The following ADCY3 variants were observed in gnomAD, a reference collection of about 807,000 sequenced individuals.
ADCY3 encodes the protein adenylate cyclase 3.
A neutral mutation model predicts 119.4 loss-of-function variants in ADCY3; 70 were observed. The ratio of observed to expected loss-of-function variants is 0.59; its 90% CI spans 0.48 to 0.72. The LOEUF is 0.72. ADCY3 is among the 30% of genes least tolerant of loss of function. ADCY3 has a pLI of 0.00. For missense variants in ADCY3, 1,238 were observed against 1,541.6 expected, an observed-to-expected ratio of 0.80 and a Z score of 3.30; for synonymous variants, 672 against 621.4, an observed-to-expected ratio of 1.08 and a Z score of -1.21.
chr2:24,900,171 C>T (rs13014100), intron 2 of ADCY3, among the ~76,000 whole-genome samples: 67,336 of 142,650 alleles, frequency 0.47, 18,578 homozygotes, highest in African/African-American at 0.78. Context: ...AGTGCAGTGG[C>T]GAAATCTCGA....
Position 24,895,376 on chromosome 2 carries a change from C to T in ADCY3, c.676-22657G>A, listed in dbSNP as rs191253860. ...TGCTGAGATTACAGGCATGAGCCAC[C>T]ACGCCTGACCAATTCTCTTCATTCT... On this transcript the variant is annotated intron_variant, in intron 2 of 21. Coordinates refer to ENST00000679454, the MANE Select transcript of ADCY3 (RefSeq NM_004036.5). 5.2e-4 allele frequency among the ~76,000 whole-genome samples: 79 copies of T among 152,262 alleles called. 1 individual carries two copies. The highest frequency in any genetic ancestry group is 1.8e-3 in the African/African-American group (76 of 41,562).
chr2:24,895,341 C>T (rs963678519), intron 2 of ADCY3, among the ~76,000 whole-genome samples: 3 of 152,156 alleles, frequency 2.0e-5, no homozygotes, highest in Non-Finnish European at 4.4e-5. Context: ...CCCACCTCAG[C>T]CTCCCAAAGT....
chr2:24,848,317 A>G (rs1671893276), intron 3 of ADCY3, among the ~76,000 whole-genome samples: 1 of 152,276 alleles, frequency 6.6e-6, no homozygotes, highest in Non-Finnish European at 1.5e-5. Context: ...AACTAGCCCA[A>G]CCTATTCCTT....
At position 24,830,703 on chromosome 2, in the gene ADCY3, G is replaced by A. The variant is rs547080814; in HGVS notation, c.2172+6C>T. On this transcript the variant is annotated splice_donor_region_variant and intron_variant, in intron 13 of 21. Transcript: ENST00000679454. ...CGTCCCTTCAACAAGGACAGCAGGA[G>A]CTCACCATGTCCACGACATTTGCCA... The A allele has an allele frequency of 1.2e-5, 19 of 1,611,652 alleles. No homozygotes were observed. Among genetic ancestry groups the A allele is most frequent in the Non-Finnish European group, 1.5e-5 (18 of 1,178,048 alleles).
intron 2 of ADCY3, among the ~76,000 whole-genome samples, chr2:24,879,105 C>T (rs1281600322): frequency 6.6e-6 from 1 of 152,142 alleles, no homozygotes; most frequent in Non-Finnish European, 1.5e-5. Context: ...AGGCTGTGTG[C>T]CCTGGAGCAA....
chr2:24,834,758 G>C lies in ADCY3; in HGVS notation c.1805+36C>G, dbSNP rs752853493. On this transcript the variant is annotated intron_variant, in intron 10 of 21. Coordinates refer to ENST00000679454, the MANE Select transcript of ADCY3 (RefSeq NM_004036.5). The surrounding 1 kb of genome is among the most constrained non-coding windows in gnomAD (Gnocchi z 4.2). ...TGAATCCCTTGTCAGGGCCCGGGAGGAGTGGTGGGCCTGGACGCTTCCGGG... is the reference window on the plus strand; with the variant it reads ...TGAATCCCTTGTCAGGGCCCGGGAGCAGTGGTGGGCCTGGACGCTTCCGGG... The C allele has an allele frequency of 1.2e-6, 2 of 1,602,808 alleles. No individual in the cohort carries two copies. The highest frequency in any genetic ancestry group is 2.7e-5 in the African/African-American group (2 of 74,716).
At chr2:24,888,865 C>T (rs10205326) in intron 2 of ADCY3, among the ~76,000 whole-genome samples, 48,817 of 151,890 alleles carry the variant, frequency 0.32, 8,017 homozygotes, top group South Asian at 0.38. Flanking sequence ...AAAAATTAGC[C>T]GGGCATAGTG....
chr2:24,904,671 C>T (rs1480978124), intron 2 of ADCY3, among the ~76,000 whole-genome samples: 1 of 151,996 alleles, frequency 6.6e-6, no homozygotes, highest in Non-Finnish European at 1.5e-5. Context: ...TTTAAGACAG[C>T]ATCTCTGTCG....
chr2:24,902,070 G>GTA (rs1558517029), intron 2 of ADCY3, among the ~76,000 whole-genome samples: 1 of 131,978 alleles, frequency 7.6e-6, no homozygotes, highest in African/African-American at 3.2e-5. Flanking sequence ...GTGTGTGTGT[G>GTA]TGTGTATTTG....
At chr2:24,866,951 A>T (rs1674385491) in intron 3 of ADCY3, among the ~76,000 whole-genome samples, 1 of 152,220 alleles carries the variant, frequency 6.6e-6, no homozygotes. Flanking sequence ...CATGGTAAAA[A>T]TGTCTAACAA....
intron 19 of ADCY3, 40 bp downstream of exon 19, chr2:24,822,471 G>A (rs776999333): frequency 1.2e-6 from 2 of 1,601,606 alleles, no homozygotes; most frequent in East Asian, 2.2e-5. Context: ...TCTTGCCTTG[G>A]GGGCAGAGCC....
intron 12 of ADCY3, 115 bp from the exon 13 acceptor site, chr2:24,830,940 ACT>A (rs1558416773): frequency 1.2e-6 from 1 of 808,494 alleles, no homozygotes; most frequent in Non-Finnish European, 2.0e-6. Flanking sequence ...CTCAAAACGG[ACT>A]CTGCCTGGGA....
intron 3 of ADCY3, among the ~76,000 whole-genome samples, chr2:24,852,982 T>C (rs1240675718): frequency 1.3e-5 from 2 of 148,542 alleles, no homozygotes; most frequent in East Asian, 4.0e-4. Context: ...GGAACAAGAT[T>C]TGAAGGAAAG....
Position 24,834,335 on chromosome 2 carries a change from G to A in ADCY3, c.1967+150C>T. The stretch of plus-strand genomic sequence containing the variant: ...CCCAGGGTGCCGTCTAGCACTCCTG[G>A]GGCCTGTGGGGGCCGTCCCAGTGGG... On this transcript the variant is annotated intron_variant, in intron 11 of 21. Coordinates refer to ENST00000679454, the MANE Select transcript of ADCY3 (RefSeq NM_004036.5). This position sits in a 1 kb window ranked among gnomAD's most constrained non-coding sequence, Gnocchi z 4.2. The A allele has an allele frequency of 1.1e-6, 1 of 952,006 alleles. No homozygotes were observed. The highest frequency in any genetic ancestry group is 1.5e-6 in the Non-Finnish European group (1 of 654,746). 59.0% of individuals were successfully genotyped at this position (952,006 alleles called of 1,614,324 possible).
Position 24,919,096 on chromosome 2 carries a change from C to T in ADCY3, c.-109G>A, listed in dbSNP as rs951131086. On this transcript the variant is annotated 5_prime_UTR_variant, in exon 2 of 22. Transcript: ENST00000679454. This position sits in a 1 kb window ranked among gnomAD's most constrained non-coding sequence, Gnocchi z 5.5. ...TCTGAGACCGGGGGAGGGCTGAGGG[C>T]CTCTTCTTGTCTGGGGCGGAGGGGA... 17 of 1,232,812 alleles carry T rather than the reference C, an allele frequency of 1.4e-5. No individual in the cohort carries two copies. In the African/African-American group the frequency reaches 2.6e-4, roughly 19 times the overall value. The allele number at this position is 1,232,812 out of a possible 1,614,324, so 76.4% of individuals were successfully genotyped here.
intron 19 of ADCY3, 52 bp from the exon 20 acceptor site, chr2:24,821,692 C>T: frequency 6.3e-7 from 1 of 1,593,500 alleles, no homozygotes; most frequent in Non-Finnish European, 8.6e-7. Context: ...CTGCAGCAGC[C>T]TGCTCTGCTG....
chr2:24,842,102 G>C lies in ADCY3; in HGVS notation c.956+152C>G. ...ACTGTAGCTTCAACATCTGCTGGCA[G>C]CTTCCTCCGCCAGGCTGATGAATGC... is the stretch of plus-strand genomic sequence containing the variant. On this transcript the variant is annotated intron_variant, in intron 4 of 21. Transcript: ENST00000679454. The surrounding 1 kb of genome is among the most constrained non-coding windows in gnomAD (Gnocchi z 4.9). 5 of 1,138,880 alleles carry C rather than the reference G, an allele frequency of 4.4e-6. No homozygotes were observed. The highest frequency in any genetic ancestry group is 6.2e-6 in the Non-Finnish European group (5 of 811,632). The allele number at this position is 1,138,880 out of a possible 1,614,324, so 70.5% of individuals were successfully genotyped here. A position where few individuals can be genotyped will look rare whatever the true frequency, so the allele number is the denominator to read the frequency against.
At chr2:24,876,633 G>A (rs995531571) in intron 2 of ADCY3, among the ~76,000 whole-genome samples, 25 of 152,126 alleles carry the variant, frequency 1.6e-4, no homozygotes, top group African/African-American at 4.8e-4. Flanking sequence ...GCGTGACATC[G>A]TCCCTGTCCC....
intron 3 of ADCY3, among the ~76,000 whole-genome samples, chr2:24,863,068 A>C (rs953913761): frequency 6.6e-6 from 1 of 152,188 alleles, no homozygotes; most frequent in African/African-American, 2.4e-5. Context: ...GGACACTCTC[A>C]AATATCAGGA....
Sources: allele counts gnomAD v4.1 joint callset (sites outside exome capture counted in the v4.1 genomes callset), GRCh38; gene constraint gnomAD v4.1.1; non-coding constraint Gnocchi (gnomAD v3.1); transcripts MANE v1.5; gene names NCBI Gene and HGNC (gene_info 2026-07-23, HGNC 2026-07-21).